Variants in SIPA1L1 observed in about 807,000 individuals in gnomAD.
SIPA1L1 encodes signal induced proliferation associated 1 like 1, also known as signal-induced proliferation-associated 1-like protein 1.
In SIPA1L1, 26 loss-of-function variants were observed where a neutral mutation model predicts 162.7. The observed-to-expected ratio is 0.16, with a 90% CI of 0.12 to 0.22. SIPA1L1 has a LOEUF of 0.22. Among genes scored for constraint, SIPA1L1 ranks in the 10% least tolerant of loss-of-function variants. The probability of loss-of-function intolerance (pLI) is 1.00; values close to 1 mark genes in which losing one functional copy is unlikely to be tolerated. For synonymous variants in SIPA1L1, 829 were observed against 837.4 expected (o/e 0.99, Z 0.17); for missense variants, 1,874 against 2,241.0 (o/e 0.84, Z 3.31).
At chr14:71,381,904 A>G (rs2039936189) in intron 2 of SIPA1L1, among the ~76,000 whole-genome samples, 1 of 152,168 alleles carries the variant, frequency 6.6e-6, no homozygotes, top group Non-Finnish European at 1.5e-5. Context: ...AAATAACTGC[A>G]TTTACAGATT....
chr14:71,590,367 C>T (rs2035231717), intron 5 of SIPA1L1, among the ~76,000 whole-genome samples: 1 of 151,876 alleles, frequency 6.6e-6, no homozygotes, highest in South Asian at 2.1e-4. Flanking sequence ...CGAGAGGCTC[C>T]CTGTCTGCAA....
chr14:71,518,443 A>C (rs2051964991), intron 3 of SIPA1L1, among the ~76,000 whole-genome samples: 2 of 152,172 alleles, frequency 1.3e-5, no homozygotes, highest in Admixed American at 1.3e-4. Flanking sequence ...TTTCTCCATT[A>C]ACCTGGAAGT....
chr14:71,686,557 T>C (rs1020843454), intron 13 of SIPA1L1, among the ~76,000 whole-genome samples: 4 of 152,218 alleles, frequency 2.6e-5, no homozygotes, highest in African/African-American at 4.8e-5. Flanking sequence ...CTTTTTTCTT[T>C]TTTTTAGACA....
intron 1 of SIPA1L1, among the ~76,000 whole-genome samples, chr14:71,320,776 C>T (rs537225838): frequency 3.4e-4 from 51 of 151,730 alleles, no homozygotes; most frequent in Admixed American, 1.0e-3. Context: ...CCCGTACTGG[C>T]CGCCCCCTCA....
chr14:71,537,667 C>T (rs1236973185), intron 4 of SIPA1L1, among the ~76,000 whole-genome samples: 1 of 152,090 alleles, frequency 6.6e-6, no homozygotes, highest in Non-Finnish European at 1.5e-5. Flanking sequence ...TCTTTTTTCC[C>T]CTGCATCTTC....
chr14:71,503,894 C>T (rs1412147413), intron 2 of SIPA1L1: 1 of 152,016 alleles, frequency 6.6e-6, no homozygotes, highest in Non-Finnish European at 1.5e-5. Context: ...ACCTCTGCCT[C>T]CTGGGTTCAA....
chr14:71,657,908 G>A (rs1162273379), intron 8 of SIPA1L1, among the ~76,000 whole-genome samples: 1 of 151,800 alleles, frequency 6.6e-6, no homozygotes, highest in Non-Finnish European at 1.5e-5. Flanking sequence ...CCAATAGAAA[G>A]CACAGATATT....
chr14:71,577,365 T>C (rs1018892285), intron 4 of SIPA1L1, among the ~76,000 whole-genome samples: 1 of 152,122 alleles, frequency 6.6e-6, no homozygotes, highest in Non-Finnish European at 1.5e-5. Flanking sequence ...GAGCCTGCTA[T>C]ATAGTGAGCA....
intron 2 of SIPA1L1, among the ~76,000 whole-genome samples, chr14:71,329,458 C>T (rs1383687683): frequency 7.9e-5 from 11 of 139,878 alleles, no homozygotes; most frequent in Admixed American, 2.2e-4. Context: ...AAAAATTTTT[C>T]GAGACAGGGT....
chr14:71,451,769 A>G (rs1051577150), intron 2 of SIPA1L1, among the ~76,000 whole-genome samples: 1 of 152,146 alleles, frequency 6.6e-6, no homozygotes, highest in African/African-American at 2.4e-5. Context: ...ATGTCAGGTA[A>G]CATATATGTT....
chr14:71,624,300 G>C, intron 7 of SIPA1L1, 64 bp downstream of exon 7: 1 of 1,345,576 alleles, frequency 7.4e-7, no homozygotes, highest in Non-Finnish European at 1.0e-6. Flanking sequence ...CCGGAATACA[G>C]ACCTTAATGT....
intron 2 of SIPA1L1, among the ~76,000 whole-genome samples, chr14:71,372,664 C>T (rs1218995925): frequency 6.6e-6 from 1 of 152,056 alleles, no homozygotes; most frequent in African/African-American, 2.4e-5. Flanking sequence ...CTAACAAGTC[C>T]ATTCAAGCAG....
At chr14:71,688,733 T>G (rs1188056657) in intron 13 of SIPA1L1, among the ~76,000 whole-genome samples, 3 of 152,236 alleles carry the variant, frequency 2.0e-5, no homozygotes, top group African/African-American at 7.2e-5. Flanking sequence ...AAGTATAATT[T>G]GGACCTTTCA....
At chr14:71,613,570 T>C (rs1220359942) in intron 5 of SIPA1L1, among the ~76,000 whole-genome samples, 1 of 152,164 alleles carries the variant, frequency 6.6e-6, no homozygotes, top group African/African-American at 2.4e-5. Context: ...TACTTGAGTT[T>C]CCAATTCCTC....
chr14:71,626,812 G>A (rs1232242713), intron 7 of SIPA1L1, among the ~76,000 whole-genome samples: 1 of 152,002 alleles, frequency 6.6e-6, no homozygotes, highest in African/African-American at 2.4e-5. Context: ...ACATAACCAT[G>A]CTTTGTAAAA....
rs75136859 is a variant in SIPA1L1 at position 71,661,464 on chromosome 14, A to G, written c.2252A>G (p.Tyr751Cys). ...VHNPCSDSVC[Y>C]SVAVTRSRDV... ...AATCCGTGCTCTGACAGTGTCTGTT[A>G]TAGGTGTGTATGGGTGTCACAGCAG... Residue 751 changes from tyrosine (Y) to cysteine (C), a missense_variant, in exon 10 of 24, where the codon TAT (tyrosine) becomes TGT (cysteine). Around this residue, in one of 5 missense-constraint regions of SIPA1L1, gnomAD observed 243 missense variants for 315.0 expected, o/e 0.77. Coordinates refer to ENST00000381232, the MANE Select transcript of SIPA1L1 (RefSeq NM_001386936.1). 2 of 1,613,506 alleles carry G rather than the reference A, an allele frequency of 1.2e-6. No individual in the cohort carries two copies. Among genetic ancestry groups the G allele is most frequent in the Non-Finnish European group, 1.7e-6 (2 of 1,179,736 alleles).
At chr14:71,372,336 T>C (rs530011170) in intron 2 of SIPA1L1, among the ~76,000 whole-genome samples, 20 of 152,246 alleles carry the variant, frequency 1.3e-4, no homozygotes, top group Middle Eastern at 3.4e-3. Flanking sequence ...TCTCAATTTC[T>C]TTTTTTCTCC....
At chr14:71,564,366 CT>C (rs970883769) in intron 4 of SIPA1L1, among the ~76,000 whole-genome samples, 238 of 128,850 alleles carry the variant, frequency 1.8e-3, no homozygotes, top group Middle Eastern at 3.9e-3. Flanking sequence ...TCTTTTTCTT[CT>C]TTTTTTTTTT....
Position 71,658,348 on chromosome 14 carries a change from C to T in SIPA1L1, c.2009C>T (p.Thr670Ile). 1 of 1,601,896 alleles carries T rather than the reference C, an allele frequency of 6.2e-7. No individual in the cohort carries two copies. Among genetic ancestry groups the T allele is most frequent in the African/African-American group, 1.3e-5 (1 of 74,776 alleles). ...TTAACTGTAGCTGACTCCACTGGAA[C>T]CCATTCTCTGTACACAACATACAAA... ...QLDTKTDSTG[T>I]HSLYTTYKDY... Residue 670 changes from threonine to isoleucine, a missense_variant, in exon 9 of 24, where the codon ACC (threonine) becomes ATC (isoleucine). Coordinates refer to ENST00000381232, the MANE Select transcript of SIPA1L1 (RefSeq NM_001386936.1).
Sources: allele counts gnomAD v4.1 joint callset (sites outside exome capture counted in the v4.1 genomes callset), GRCh38; gene constraint gnomAD v4.1.1; regional missense constraint gnomAD v4.1.1; transcripts MANE v1.5; gene names NCBI Gene and HGNC (gene_info 2026-07-23, HGNC 2026-07-21).